The following EBF2 variants were observed in gnomAD, a reference collection of about 807,000 sequenced individuals.
The protein encoded by EBF2 is EBF transcription factor 2, also known as transcription factor COE2.
Under a neutral mutation model 72.8 loss-of-function variants are expected in EBF2, and 21 were observed. The ratio of observed to expected loss-of-function variants is 0.29; its 90% CI spans 0.20 to 0.42. The LOEUF is 0.42. Ranked by LOEUF, EBF2 falls within the 10% of genes least tolerant of loss-of-function variation. The probability of loss-of-function intolerance (pLI) is 1.00; values close to 1 mark genes in which losing one functional copy is unlikely to be tolerated. For missense variants in EBF2, 637 were observed against 731.2 expected (o/e 0.87, Z 1.49); for synonymous variants, 299 against 274.2 (o/e 1.09, Z -0.89).
At chr8:25,897,505 C>T (rs1429249237) in intron 7 of EBF2, among the ~76,000 whole-genome samples, 2 of 152,262 alleles carry the variant, frequency 1.3e-5, no homozygotes, top group African/African-American at 4.8e-5. Flanking sequence ...TTTCAGCCCT[C>T]TCCTCCTTCC....
At chr8:25,997,362 G>A (rs530574254) in intron 6 of EBF2, among the ~76,000 whole-genome samples, 2 of 152,138 alleles carry the variant, frequency 1.3e-5, no homozygotes, top group African/African-American at 4.8e-5. Flanking sequence ...TTTGAGCTCG[G>A]GAATTTGAGA....
At chr8:26,003,600 G>T (rs1804778108) in intron 6 of EBF2, among the ~76,000 whole-genome samples, 1 of 152,126 alleles carries the variant, frequency 6.6e-6, no homozygotes, top group Admixed American at 6.6e-5. Context: ...GACAAGCTCA[G>T]ATTGAAATCT....
intron 10 of EBF2, among the ~76,000 whole-genome samples, chr8:25,884,727 C>CT (rs1366427239): frequency 6.6e-6 from 1 of 152,090 alleles, no homozygotes; most frequent in Non-Finnish European, 1.5e-5. Context: ...GGAACAGTAA[C>CT]TTTTTTATTG....
intron 15 of EBF2, among the ~76,000 whole-genome samples, chr8:25,846,963 G>A (rs1429100489): frequency 1.3e-5 from 2 of 152,166 alleles, no homozygotes; most frequent in South Asian, 2.1e-4. Flanking sequence ...TATGGGGGTA[G>A]GGGGTATAGG....
chr8:25,892,744 C>T (rs1802806749), intron 7 of EBF2, among the ~76,000 whole-genome samples: 1 of 152,174 alleles, frequency 6.6e-6, no homozygotes, highest in Non-Finnish European at 1.5e-5. Context: ...GTCAGTCATC[C>T]AACCCAACAG....
At chr8:26,027,750 T>A (rs1805323074) in intron 6 of EBF2, among the ~76,000 whole-genome samples, 1 of 151,954 alleles carries the variant, frequency 6.6e-6, no homozygotes, top group Non-Finnish European at 1.5e-5. Context: ...CAAAATGTGG[T>A]TCATCCATAC....
intron 6 of EBF2, among the ~76,000 whole-genome samples, chr8:26,025,186 C>T (rs1317406235): frequency 1.3e-5 from 2 of 151,940 alleles, no homozygotes; most frequent in South Asian, 2.1e-4. Flanking sequence ...ATCTGTGTTC[C>T]GGACAGGGGG....
At chr8:25,912,261 T>C (rs1261339566) in intron 6 of EBF2, among the ~76,000 whole-genome samples, 1 of 152,078 alleles carries the variant, frequency 6.6e-6, no homozygotes, top group Non-Finnish European at 1.5e-5. Context: ...AACACAAGGA[T>C]TGGAGCCTGG....
At chr8:25,981,793 TA>T (rs11422902) in intron 6 of EBF2, among the ~76,000 whole-genome samples, 344 of 140,150 alleles carry the variant, frequency 2.5e-3, no homozygotes, top group East Asian at 2.8e-3. Context: ...GACTCCATCT[TA>T]AAAAAAAAAA....
At chr8:25,884,139 C>G (rs1430657272) in intron 10 of EBF2, among the ~76,000 whole-genome samples, 2 of 152,144 alleles carry the variant, frequency 1.3e-5, no homozygotes, top group Non-Finnish European at 2.9e-5. Context: ...CCTCATCTCC[C>G]ATCACTCTCT....
chr8:25,887,618 C>T (rs1000132871), intron 9 of EBF2, among the ~76,000 whole-genome samples: 1 of 152,038 alleles, frequency 6.6e-6, no homozygotes, highest in African/African-American at 2.4e-5. Flanking sequence ...TTTTTCAAAA[C>T]ATTTTTTAAC....
chr8:25,921,746 T>C lies in EBF2; in HGVS notation c.552-13191A>G, dbSNP rs145602614. Among the ~76,000 whole-genome samples, 450 of 152,372 alleles carry C rather than the reference T, an allele frequency of 3.0e-3. 6 individuals are homozygous for C. The highest frequency in any genetic ancestry group is 2.0e-3 in the Non-Finnish European group (136 of 68,034). Reference sequence around the variant, plus strand: ...TCATCTTGCAGAGGACACTACCTAATTAATTTTTACTTTGCTCCTAAGTAG... The same window carrying C: ...TCATCTTGCAGAGGACACTACCTAACTAATTTTTACTTTGCTCCTAAGTAG... On this transcript the variant is annotated intron_variant, in intron 6 of 15. Transcript: ENST00000520164.
chr8:25,889,747 C>A lies in EBF2; in HGVS notation c.751+5G>T. 6.2e-7 allele frequency: 1 copy of A among 1,610,792 alleles called. No individual in the cohort carries two copies. Among genetic ancestry groups the A allele is most frequent in the Non-Finnish European group, 8.5e-7 (1 of 1,177,034 alleles). ...GTCTGCTATGCTGAGCGCAGGCAGC[C>A]CTACCTTCCGATGGATCGAGTCTTC... is the stretch of plus-strand genomic sequence containing the variant. On this transcript the variant is annotated splice_donor_5th_base_variant and intron_variant, in intron 8 of 15. Coordinates refer to ENST00000520164, the MANE Select transcript of EBF2 (RefSeq NM_022659.4).
At position 25,970,222 on chromosome 8, in the gene EBF2, C is replaced by T. The variant is rs557126510; in HGVS notation, c.552-61667G>A. 3.9e-5 allele frequency among the ~76,000 whole-genome samples: 6 copies of T among 152,276 alleles called. No homozygotes were observed. In the South Asian group the frequency reaches 8.3e-4, roughly 21 times the overall value. On this transcript the variant is annotated intron_variant, in intron 6 of 15. Coordinates refer to ENST00000520164, the MANE Select transcript of EBF2 (RefSeq NM_022659.4). ...TCTGGTTTCCAGATGAACCAGGATG[C>T]TGCTCCAGATTGCTTGCTGACATCC...
At chr8:25,896,968 C>A (rs1320770363) in intron 7 of EBF2, among the ~76,000 whole-genome samples, 1 of 152,174 alleles carries the variant, frequency 6.6e-6, no homozygotes, top group Non-Finnish European at 1.5e-5. Flanking sequence ...CCAAAATTAC[C>A]TTTAAACACC....
chr8:25,878,762 C>T (rs1419053787), intron 10 of EBF2, among the ~76,000 whole-genome samples: 1 of 152,156 alleles, frequency 6.6e-6, no homozygotes, highest in East Asian at 1.9e-4. Flanking sequence ...CAAGGATGAT[C>T]CAGCCATCCT....
chr8:25,923,157 C>T (rs1282200693), intron 6 of EBF2, among the ~76,000 whole-genome samples: 1 of 152,122 alleles, frequency 6.6e-6, no homozygotes, highest in Non-Finnish European at 1.5e-5. Flanking sequence ...GGAGTCGCCC[C>T]AGCCACGCTG....
chr8:25,915,641 A>G (rs1024012271), intron 6 of EBF2, among the ~76,000 whole-genome samples: 1 of 150,084 alleles, frequency 6.7e-6, no homozygotes, highest in African/African-American at 2.4e-5. Flanking sequence ...ACTCAAGTGC[A>G]TGAGGAAGAT....
At chr8:25,962,460 G>T (rs2117180154) in intron 6 of EBF2, among the ~76,000 whole-genome samples, 1 of 151,926 alleles carries the variant, frequency 6.6e-6, no homozygotes, top group South Asian at 2.1e-4. Flanking sequence ...AGACATATCT[G>T]AATCTAGCCT....
Sources: allele counts gnomAD v4.1 joint callset (sites outside exome capture counted in the v4.1 genomes callset), GRCh38; gene constraint gnomAD v4.1.1; transcripts MANE v1.5; gene names NCBI Gene and HGNC (gene_info 2026-07-23, HGNC 2026-07-21).